MBP: variants seen among roughly 807,000 people sequenced by gnomAD.
The protein encoded by MBP is Golli-MBP.
Under a neutral mutation model 35.8 loss-of-function variants are expected in MBP, and 16 were observed. That is an observed-to-expected ratio of 0.45 (90% CI 0.30 to 0.68). The LOEUF is 0.68. MBP is among the 30% of genes least tolerant of loss of function. The pLI, the probability that MBP is intolerant of heterozygous loss-of-function variation, is 0.08. For synonymous variants in MBP, 143 were observed against 159.6 expected, an observed-to-expected ratio of 0.90 and a Z score of 0.78; for missense variants, 380 against 404.7, an observed-to-expected ratio of 0.94 and a Z score of 0.52.
intron 3 of MBP, among the ~76,000 whole-genome samples, chr18:77,040,397 C>A (rs1340368550): frequency 2.0e-5 from 3 of 152,154 alleles, no homozygotes; most frequent in Non-Finnish European, 2.9e-5. Context: ...ATCAAGCTAC[C>A]AATGACTTTC....
intron 4 of MBP, chr18:77,010,133 G>A (rs1292744685): frequency 1.7e-6 from 1 of 588,904 alleles, no homozygotes; most frequent in South Asian, 2.0e-5. Context: ...AAGAGGTGAT[G>A]GGAGGTCAGA....
At chr18:77,095,628 G>C (rs571600205) in intron 2 of MBP, 1 of 152,266 alleles carries the variant, frequency 6.6e-6, no homozygotes. Flanking sequence ...GACAAACAGC[G>C]CATTGGATTT....
intron 1 of MBP, chr18:77,115,424 T>C (rs1313215048): frequency 3.9e-5 from 6 of 152,186 alleles, no homozygotes; most frequent in African/African-American, 1.4e-4. Flanking sequence ...TAAAATAAAC[T>C]GAATCTTCCC....
At chr18:77,123,049 G>C (rs1030275009) in intron 1 of MBP, among the ~76,000 whole-genome samples, 1 of 152,206 alleles carries the variant, frequency 6.6e-6, no homozygotes, top group Non-Finnish European at 1.5e-5. Context: ...TCAAGGGCAA[G>C]AATGACATCT....
At chr18:77,039,079 G>C (rs1189070516) in intron 3 of MBP, among the ~76,000 whole-genome samples, 1 of 152,198 alleles carries the variant, frequency 6.6e-6, no homozygotes, top group African/African-American at 2.4e-5. Context: ...TCAATTTCCA[G>C]TGTCCATAAG....
intron 2 of MBP, among the ~76,000 whole-genome samples, chr18:77,067,366 TG>T (rs1974241352): frequency 6.6e-6 from 1 of 152,294 alleles, no homozygotes; most frequent in Non-Finnish European, 1.5e-5. Context: ...TGCTCCTTCT[TG>T]CTTTTGCCAG....
chr18:76,985,073 C>A, intron 7 of MBP, 179 bp from the exon 8 acceptor site: 1 of 1,501,974 alleles, frequency 6.7e-7, no homozygotes, highest in Non-Finnish European at 9.0e-7. Flanking sequence ...AGAGGCTGCT[C>A]CCCCAGGTCT....
intron 2 of MBP, among the ~76,000 whole-genome samples, chr18:77,070,760 A>C (rs1974407939): frequency 6.6e-6 from 1 of 152,130 alleles, no homozygotes; most frequent in Non-Finnish European, 1.5e-5. Context: ...CTCTCCCGCC[A>C]CTGAATTGTG....
chr18:77,062,792 C>T (rs1407519031), intron 3 of MBP, among the ~76,000 whole-genome samples: 1 of 152,202 alleles, frequency 6.6e-6, no homozygotes, highest in Non-Finnish European at 1.5e-5. Context: ...CTTCTCAATG[C>T]GCCAATCAGT....
intron 2 of MBP, among the ~76,000 whole-genome samples, chr18:77,091,291 C>G (rs1975511431): frequency 6.6e-6 from 1 of 152,106 alleles, no homozygotes; most frequent in African/African-American, 2.4e-5. Context: ...GAATTGTGCT[C>G]AAGCATAATT....
At chr18:77,104,440 G>C (rs1026255377) in intron 2 of MBP, among the ~76,000 whole-genome samples, 2 of 152,150 alleles carry the variant, frequency 1.3e-5, no homozygotes, top group Admixed American at 1.3e-4. Flanking sequence ...GGAGGTTATC[G>C]ATCTAGGAGA....
At chr18:77,012,167 CCAAGTTTCAGCTT>C (rs1212474193) in intron 4 of MBP, among the ~76,000 whole-genome samples, 1 of 152,312 alleles carries the variant, frequency 6.6e-6, no homozygotes, top group African/African-American at 2.4e-5. Context: ...CTCAAAGACC[CCAAGTTTCAGCTT>C]CATCTCATAC....
chr18:77,091,155 TG>T (rs1392745784), intron 2 of MBP, among the ~76,000 whole-genome samples: 2 of 152,192 alleles, frequency 1.3e-5, no homozygotes, highest in Non-Finnish European at 2.9e-5. Flanking sequence ...AATGCAATTA[TG>T]AGATCATACA....
At position 76,980,222 on chromosome 18, in the gene MBP, C is replaced by T. The variant is rs1969101317; in HGVS notation, c.*205G>A. ...TCACACAGAAAGGGACAGTTTTAAC[C>T]GTTTTCTGTTTTCATGTTCTCATTT... On this transcript the variant is annotated 3_prime_UTR_variant, in exon 9 of 9. Coordinates refer to ENST00000355994, the MANE Select transcript of MBP (RefSeq NM_001025101.2). 7.5e-6 allele frequency: 5 copies of T among 666,968 alleles called. No individual in the cohort carries two copies. Among genetic ancestry groups the T allele is most frequent in the South Asian group, 1.7e-5 (1 of 58,036 alleles). 41.3% of individuals were successfully genotyped at this position (666,968 alleles called of 1,614,324 possible).
At chr18:77,047,463 G>T (rs940513978) in intron 3 of MBP, among the ~76,000 whole-genome samples, 2 of 152,218 alleles carry the variant, frequency 1.3e-5, no homozygotes, top group African/African-American at 2.4e-5. Flanking sequence ...GTGGCCGGGG[G>T]CTGGGGTGAG....
At chr18:77,052,142 G>A (rs62106765) in intron 3 of MBP, among the ~76,000 whole-genome samples, 68 of 152,262 alleles carry the variant, frequency 4.5e-4, no homozygotes, top group Non-Finnish European at 6.9e-4. Context: ...AAGTCCACCC[G>A]ACCAGGAACG....
At position 77,044,527 on chromosome 18, in the gene MBP, C is replaced by T. The variant is rs1973148202; in HGVS notation, c.139+21771G>A. On this transcript the variant is annotated intron_variant, in intron 3 of 8. Transcript: ENST00000355994. This position sits in a 1 kb window ranked among gnomAD's most constrained non-coding sequence, Gnocchi z 4.4. ...TTCCTGACCCCTCGTCCCTGGAAAG[C>T]CCTCTCCAGGGCCCTCGGCCTCGCT... Among the ~76,000 whole-genome samples, 1 of 152,144 alleles carries T rather than the reference C, an allele frequency of 6.6e-6. No individual in the cohort carries two copies. The highest frequency in any genetic ancestry group is 2.1e-4 in the South Asian group (1 of 4,822).
At chr18:77,082,628 G>A (rs765042219) in intron 2 of MBP, among the ~76,000 whole-genome samples, 1 of 151,638 alleles carries the variant, frequency 6.6e-6, no homozygotes, top group Non-Finnish European at 1.5e-5. Flanking sequence ...GTGAGATGCT[G>A]ACTGGGCATG....
intron 4 of MBP, chr18:77,015,991 C>T (rs1420588329): frequency 1.5e-5 from 15 of 985,212 alleles, no homozygotes; most frequent in Admixed American, 1.2e-4. Flanking sequence ...TCTTTCTCTC[C>T]AAAATTACAC....
Sources: allele counts gnomAD v4.1 joint callset (sites outside exome capture counted in the v4.1 genomes callset), GRCh38; gene constraint gnomAD v4.1.1; non-coding constraint Gnocchi (gnomAD v3.1); transcripts MANE v1.5; gene names NCBI Gene and HGNC (gene_info 2026-07-23, HGNC 2026-07-21).